BEAN1: variants seen among roughly 807,000 people sequenced by gnomAD.
BEAN1 encodes brain expressed associated with NEDD4 1.
Under a neutral mutation model 17.7 loss-of-function variants are expected in BEAN1, and 17 were observed. The observed-to-expected ratio is 0.96, with a 90% CI of 0.66 to 1.44. BEAN1 has a LOEUF of 1.44. BEAN1 is among the 40% of genes most tolerant of loss of function. The pLI, the probability that BEAN1 is intolerant of heterozygous loss-of-function variation, is 0.00. For missense variants in BEAN1, 359 were observed against 374.1 expected (o/e 0.96, Z 0.33); for synonymous variants, 142 against 151.8 (o/e 0.94, Z 0.47).
chr16:66,437,930 C>A, intron 2 of BEAN1: 2 of 633,744 alleles, frequency 3.2e-6, no homozygotes, highest in Non-Finnish European at 2.9e-6. Flanking sequence ...TCTGTATCAG[C>A]CCTTCCCGAA....
At chr16:66,470,089 G>A in intron 3 of BEAN1, 1 of 649,802 alleles carries the variant, frequency 1.5e-6, no homozygotes, top group South Asian at 2.0e-5. Context: ...GAGTGAGGCT[G>A]AAGGTCAGAG....
intron 2 of BEAN1, among the ~76,000 whole-genome samples, chr16:66,459,351 A>C (rs1962996218): frequency 6.6e-6 from 1 of 150,378 alleles, no homozygotes; most frequent in South Asian, 2.1e-4. Flanking sequence ...GTGGTGTTTC[A>C]CTCTGTCACC....
intron 4 of BEAN1, among the ~76,000 whole-genome samples, chr16:66,479,476 G>A (rs945782670): frequency 6.6e-6 from 1 of 152,066 alleles, no homozygotes; most frequent in Non-Finnish European, 1.5e-5. Flanking sequence ...GGGTAGGCAT[G>A]AGGCAGGGGT....
chr16:66,488,697 AAAAAACAAAAAAC>A (rs1165329954), intron 4 of BEAN1, among the ~76,000 whole-genome samples: 2 of 149,650 alleles, frequency 1.3e-5, no homozygotes, highest in Non-Finnish European at 3.0e-5. Context: ...ATCATATCTC[AAAAAACAAAAAAC>A]AAAAACAAAC....
intron 2 of BEAN1, among the ~76,000 whole-genome samples, chr16:66,460,995 G>C (rs1221573529): frequency 6.6e-6 from 1 of 152,188 alleles, no homozygotes; most frequent in Non-Finnish European, 1.5e-5. Context: ...CAATACAGTA[G>C]GTGCTCAGGA....
chr16:66,478,852 G>A (rs1293551718), intron 4 of BEAN1, among the ~76,000 whole-genome samples: 2 of 152,136 alleles, frequency 1.3e-5, no homozygotes, highest in African/African-American at 4.8e-5. Context: ...GAGGAACTGG[G>A]ACCTTCAGAG....
intron 2 of BEAN1, among the ~76,000 whole-genome samples, chr16:66,453,960 C>A (rs111473858): frequency 6.6e-6 from 1 of 152,096 alleles, no homozygotes; most frequent in African/African-American, 2.4e-5. Context: ...TCTCAAACTC[C>A]TGACCTCAAA....
intron 2 of BEAN1, among the ~76,000 whole-genome samples, chr16:66,453,622 A>G (rs944740053): frequency 6.6e-6 from 1 of 152,280 alleles, no homozygotes; most frequent in South Asian, 2.1e-4. Context: ...TTGACCTCCC[A>G]AAGTGTTGGG....
intron 4 of BEAN1, among the ~76,000 whole-genome samples, chr16:66,488,970 G>C (rs1273125799): frequency 6.6e-6 from 1 of 151,496 alleles, no homozygotes; most frequent in East Asian, 2.0e-4. Flanking sequence ...TCAGGAGTTC[G>C]AGACCAGCCT....
At chr16:66,462,468 C>A (rs1330329385) in intron 2 of BEAN1, among the ~76,000 whole-genome samples, 1 of 152,200 alleles carries the variant, frequency 6.6e-6, no homozygotes, top group Non-Finnish European at 1.5e-5. Flanking sequence ...CTATTATGTG[C>A]CCAGCACCTG....
intron 2 of BEAN1, among the ~76,000 whole-genome samples, chr16:66,457,267 G>A (rs906849032): frequency 6.6e-6 from 1 of 152,190 alleles, no homozygotes; most frequent in African/African-American, 2.4e-5. Flanking sequence ...ATAAGTGAAC[G>A]ATTGAGTGGA....
intron 2 of BEAN1, among the ~76,000 whole-genome samples, chr16:66,469,073 A>G (rs1597026860): frequency 6.6e-6 from 1 of 151,952 alleles, no homozygotes; most frequent in South Asian, 2.1e-4. Context: ...CTTCTGGGAA[A>G]CCTTCTCTCA....
In BEAN1 at chr16:66,469,583, C is replaced by CCT; in HGVS notation, c.26-10_26-9dup. On this transcript the variant is annotated intron_variant, in intron 2 of 4. Coordinates refer to ENST00000536005, the MANE Select transcript of BEAN1 (RefSeq NM_001178020.3). ...GCAGGCCTGGGCTCCAGCTCAGTGTCCTCTCTCTCTGTCCACAGTAGCACG... is the reference window on the plus strand; with the variant it reads ...GCAGGCCTGGGCTCCAGCTCAGTGTCCTCTCTCTCTCTGTCCACAGTAGCACG... The CCT allele has an allele frequency of 6.5e-7, 1 of 1,530,810 alleles. No homozygotes were observed. Among genetic ancestry groups the CCT allele is most frequent in the Non-Finnish European group, 8.7e-7 (1 of 1,143,064 alleles). The allele number at this position is 1,530,810 out of a possible 1,614,324, so 94.8% of individuals were successfully genotyped here.
rs1963498808 is a variant in BEAN1, at chr16:66,471,941, TGCCG to T, written c.289+2078_289+2081del. 6.6e-6 allele frequency among the ~76,000 whole-genome samples: 1 copy of T among 152,178 alleles called. No individual in the cohort carries two copies. The highest frequency in any genetic ancestry group is 1.5e-5 in the Non-Finnish European group (1 of 68,024). ...ACCCAGGTCCCCAAGCCCTGGAGGA[TGCCG>T]GGTAGACCCAGGATGGTCAGTCTGC... is the stretch of plus-strand genomic sequence containing the variant. On this transcript the variant is annotated intron_variant, in intron 3 of 4. Coordinates refer to ENST00000536005, the MANE Select transcript of BEAN1 (RefSeq NM_001178020.3). This position sits in a 1 kb window ranked among gnomAD's most constrained non-coding sequence, Gnocchi z 4.7.
chr16:66,437,363 C>T (rs140628550), intron 1 of BEAN1, among the ~76,000 whole-genome samples: 1 of 152,060 alleles, frequency 6.6e-6, no homozygotes. Context: ...CTCCTCCCCA[C>T]CACCCCCCAC....
intron 4 of BEAN1, chr16:66,479,064 G>A (rs1597047767): frequency 6.6e-6 from 1 of 152,272 alleles, no homozygotes; most frequent in African/African-American, 2.4e-5. Flanking sequence ...GCATGTCACT[G>A]TGGCTCTCAG....
chr16:66,459,320 T>A (rs1962994656), intron 2 of BEAN1, among the ~76,000 whole-genome samples: 1 of 152,264 alleles, frequency 6.6e-6, no homozygotes, highest in African/African-American at 2.4e-5. Flanking sequence ...TTTCTCTTTT[T>A]TTTTCTTTTT....
At chr16:66,454,729 C>CTTTTTTTTTTTTTTTTTTTTTTTTTTTTT (rs538469751) in intron 2 of BEAN1, among the ~76,000 whole-genome samples, 2 of 83,680 alleles carry the variant, frequency 2.4e-5, no homozygotes, top group African/African-American at 4.6e-5. Flanking sequence ...TTCTTTCTTT[C>CTTTTTTTTTTTTTTTTTTTTTTTTTTTTT]TTTTTTTTTT....
Position 66,489,172 on chromosome 16 carries a change from C to CA in BEAN1, c.148-3781dup, listed in dbSNP as rs1051623795. Among the ~76,000 whole-genome samples, 27 of 126,252 alleles carry CA rather than the reference C, an allele frequency of 2.1e-4. 1 individual carries two copies. Among genetic ancestry groups the CA allele is most frequent in the Middle Eastern group, 3.6e-3 (1 of 276 alleles). 82.8% of individuals were successfully genotyped at this position (126,252 alleles called of 152,430 possible). On this transcript the variant is annotated intron_variant, in intron 4 of 4. Transcript: ENST00000561796. ...GGGCAAGAAGAGCGAAACTCCATCT[C>CA]AAAAAAAAACAAAAAAAAAAGTATA... is the stretch of plus-strand genomic sequence containing the variant.
Sources: gnomAD v4.1 joint callset for allele counts (sites outside exome capture counted in the v4.1 genomes callset) on GRCh38, gnomAD v4.1.1 for gene constraint, Gnocchi (gnomAD v3.1) non-coding constraint, MANE v1.5 for transcripts, NCBI Gene and HGNC (gene_info 2026-07-23, HGNC 2026-07-21) for gene names.